Variants in AHI1 observed in about 807,000 individuals in gnomAD.
AHI1 encodes Abelson helper integration site 1.
In AHI1, 123 loss-of-function variants were observed where a neutral mutation model predicts 149.3. The ratio of observed to expected loss-of-function variants is 0.82; its 90% CI spans 0.71 to 0.96. The LOEUF (loss-of-function observed/expected upper bound fraction) is 0.96. AHI1 is among the 40% of genes least tolerant of loss of function. The pLI is 0.00. For synonymous variants in AHI1, 475 were observed against 459.8 expected, an observed-to-expected ratio of 1.03 and a Z score of -0.42; for missense variants, 1,439 against 1,422.7, an observed-to-expected ratio of 1.01 and a Z score of -0.18.
chr6:135,300,204 A>T (rs2128350445), intron 27 of AHI1, among the ~76,000 whole-genome samples: 1 of 152,126 alleles, frequency 6.6e-6, no homozygotes, highest in Non-Finnish European at 1.5e-5. Flanking sequence ...GCGTGCCTGT[A>T]ATCCCAGCTA....
At chr6:135,477,185 C>T (rs896191488) in intron 5 of AHI1, among the ~76,000 whole-genome samples, 14 of 151,894 alleles carry the variant, frequency 9.2e-5, no homozygotes, top group Admixed American at 2.0e-4. Context: ...GGACTACAGG[C>T]GCCCAACACC....
At chr6:135,468,090 G>T (rs1791080241) in intron 5 of AHI1, among the ~76,000 whole-genome samples, 1 of 152,076 alleles carries the variant, frequency 6.6e-6, no homozygotes, top group Admixed American at 6.6e-5. Context: ...AATGCTGAAA[G>T]AACTAGTATC....
chr6:135,494,948 T>A (rs1007416963), intron 3 of AHI1, among the ~76,000 whole-genome samples: 1 of 152,176 alleles, frequency 6.6e-6, no homozygotes, highest in African/African-American at 2.4e-5. Context: ...AAGTCACGTG[T>A]GTCAAAGCTG....
intron 9 of AHI1, among the ~76,000 whole-genome samples, chr6:135,456,513 C>T (rs1788974644): frequency 1.3e-5 from 2 of 151,222 alleles, no homozygotes; most frequent in African/African-American, 4.9e-5. Flanking sequence ...CCACTGCACT[C>T]CAGCCAGTGA....
intron 14 of AHI1, among the ~76,000 whole-genome samples, chr6:135,440,410 A>C (rs1416847752): frequency 6.6e-6 from 1 of 152,150 alleles, no homozygotes; most frequent in Non-Finnish European, 1.5e-5. Flanking sequence ...CAAAACAAAA[A>C]ACCGGGCATG....
chr6:135,359,716 A>T (rs1173237000), intron 23 of AHI1, among the ~76,000 whole-genome samples: 1 of 152,208 alleles, frequency 6.6e-6, no homozygotes, highest in African/African-American at 2.4e-5. Context: ...ACAACATCTT[A>T]CACACGTCTT....
At chr6:135,334,897 A>G (rs1228416134) in intron 24 of AHI1, among the ~76,000 whole-genome samples, 1 of 152,224 alleles carries the variant, frequency 6.6e-6, no homozygotes, top group Non-Finnish European at 1.5e-5. Flanking sequence ...TTCCAAATCA[A>G]GTGCATCATA....
chr6:135,472,236 A>G (rs1341578745), intron 5 of AHI1, among the ~76,000 whole-genome samples: 4 of 152,122 alleles, frequency 2.6e-5, no homozygotes, highest in African/African-American at 9.7e-5. Context: ...CTGATCTGGT[A>G]TCACAATAGC....
chr6:135,407,280 TA>T (rs1304071250), intron 21 of AHI1, among the ~76,000 whole-genome samples: 1 of 151,744 alleles, frequency 6.6e-6, no homozygotes, highest in Non-Finnish European at 1.5e-5. Context: ...AAAAAATAAA[TA>T]AAAAAAGGAA....
In AHI1 at chr6:135,467,486, G is replaced by T. The variant is rs1790959919; in HGVS notation, c.189+95C>A. ...AGTTTAACTGATGTGTTGAAAAACA[G>T]AATGGACAAAAACCATTGCTGACTG... is the stretch of plus-strand genomic sequence containing the variant. On this transcript the variant is annotated intron_variant, in intron 6 of 28. Transcript: ENST00000265602. 4.0e-6 allele frequency: 4 copies of T among 1,012,542 alleles called. 1 individual carries two copies. The South Asian group carries it at 4.2e-5, about 11-fold the overall frequency. The allele number at this position is 1,012,542 out of a possible 1,614,324, so 62.7% of individuals were successfully genotyped here. A position where few individuals can be genotyped will look rare whatever the true frequency, so the allele number is the denominator to read the frequency against.
intron 24 of AHI1, among the ~76,000 whole-genome samples, chr6:135,346,452 G>A (rs930193177): frequency 2.0e-5 from 3 of 151,910 alleles, no homozygotes; most frequent in Admixed American, 6.6e-5. Context: ...TGCCCACCTC[G>A]GCATCCCAAA....
intron 23 of AHI1, among the ~76,000 whole-genome samples, chr6:135,390,561 G>A (rs1247669732): frequency 6.6e-6 from 1 of 152,156 alleles, no homozygotes; most frequent in Non-Finnish European, 1.5e-5. Flanking sequence ...TGAGCAGGGA[G>A]CCCACTTCAT....
At chr6:135,403,700 T>G (rs1285673516) in intron 22 of AHI1, among the ~76,000 whole-genome samples, 1 of 152,220 alleles carries the variant, frequency 6.6e-6, no homozygotes, top group African/African-American at 2.4e-5. Flanking sequence ...GAAGGTTTAG[T>G]AATCTTGGAG....
intron 26 of AHI1, chr6:135,302,028 G>A: frequency 1.0e-6 from 1 of 977,676 alleles, no homozygotes; most frequent in Non-Finnish European, 1.2e-6. Context: ...GTCATGCTTT[G>A]TTGCTCAGGC....
intron 23 of AHI1, among the ~76,000 whole-genome samples, chr6:135,374,121 T>A (rs1458431587): frequency 2.9e-4 from 39 of 133,422 alleles, no homozygotes; most frequent in Non-Finnish European, 3.9e-4. Flanking sequence ...TTTTTTTTTT[T>A]TTTTTTTTTT....
chr6:135,300,040 A>C (rs1407669339), intron 27 of AHI1, among the ~76,000 whole-genome samples: 1 of 152,124 alleles, frequency 6.6e-6, no homozygotes, highest in African/African-American at 2.4e-5. Context: ...TCATTGTTTA[A>C]ACAGCCAGGC....
rs148575922 is a variant in AHI1 at position 135,328,776 on chromosome 6, A to G, written c.3166-5452T>C. On this transcript the variant is annotated intron_variant, in intron 24 of 28. Coordinates refer to ENST00000265602, the MANE Select transcript of AHI1 (RefSeq NM_001134831.2). The stretch of plus-strand genomic sequence containing the variant: ...AGGGATGTAGAAAGCTGATAGAAGC[A>G]AAAAACTGGCATTTTGTGCCAAACA... Among the ~76,000 whole-genome samples, 772 of 152,300 alleles carry G rather than the reference A, an allele frequency of 5.1e-3. 28 individuals are homozygous for G. The highest frequency in any genetic ancestry group is 6.3e-4 in the Non-Finnish European group (43 of 68,026).
At chr6:135,392,515 T>C (rs1008526681) in intron 23 of AHI1, among the ~76,000 whole-genome samples, 8 of 152,220 alleles carry the variant, frequency 5.3e-5, no homozygotes, top group African/African-American at 1.4e-4. Context: ...TCTGTGTAAA[T>C]AGCTTTCTTT....
intron 5 of AHI1, among the ~76,000 whole-genome samples, chr6:135,479,898 T>C (rs75683336): frequency 0.016 from 2,366 of 152,204 alleles, 33 homozygotes; most frequent in Non-Finnish European, 0.025. Context: ...TCTCCTGAGA[T>C]CCTGTTGTTT....
Sources: allele counts gnomAD v4.1 joint callset (sites outside exome capture counted in the v4.1 genomes callset), GRCh38; gene constraint gnomAD v4.1.1; transcripts MANE v1.5; gene names NCBI Gene and HGNC (gene_info 2026-07-23, HGNC 2026-07-21).